The following CASP8 variants were observed in gnomAD, a reference collection of about 807,000 sequenced individuals.
CASP8 encodes caspase 8, also known as caspase-8.
A neutral mutation model predicts 46.3 loss-of-function variants in CASP8; 24 were observed. The observed-to-expected ratio is 0.52, with a 90% CI of 0.38 to 0.73. The LOEUF (loss-of-function observed/expected upper bound fraction) is 0.73. CASP8 is among the 30% of genes least tolerant of loss of function. CASP8 has a pLI of 0.00. For missense variants in CASP8, 460 were observed against 559.0 expected (o/e 0.82, Z 1.79); for synonymous variants, 188 against 200.4 (o/e 0.94, Z 0.52).
At chr2:201,261,173 C>A (rs901200090) in intron 1 of CASP8, among the ~76,000 whole-genome samples, 1 of 152,142 alleles carries the variant, frequency 6.6e-6, no homozygotes, top group Admixed American at 6.5e-5. Flanking sequence ...CGGTGGTTCA[C>A]CTGAGGTCGG....
At chr2:201,248,211 C>A (rs1946623578) in intron 2 of CASP8, among the ~76,000 whole-genome samples, 1 of 152,152 alleles carries the variant, frequency 6.6e-6, no homozygotes, top group South Asian at 2.1e-4. Context: ...ATATCCAGAA[C>A]AATATAATAG....
At chr2:201,263,493 G>C (rs534318355) in intron 1 of CASP8, among the ~76,000 whole-genome samples, 8 of 152,338 alleles carry the variant, frequency 5.3e-5, no homozygotes, top group Admixed American at 2.0e-4. Flanking sequence ...AAGGAAAAAT[G>C]TGTATGCATA....
chr2:201,278,671 G>A (rs1948805871), intron 7 of CASP8, among the ~76,000 whole-genome samples: 1 of 152,028 alleles, frequency 6.6e-6, no homozygotes, highest in South Asian at 2.1e-4. Context: ...CAAGTAGCTG[G>A]GATTACAGGC....
intron 7 of CASP8, among the ~76,000 whole-genome samples, chr2:201,284,328 G>T (rs1233705046): frequency 1.4e-5 from 1 of 73,830 alleles, no homozygotes; most frequent in Admixed American, 1.2e-4. Context: ...CAAGGCAGGC[G>T]GCTGGGAGGT....
chr2:201,245,460 C>T (rs1244303434), intron 2 of CASP8, among the ~76,000 whole-genome samples: 4 of 152,150 alleles, frequency 2.6e-5, no homozygotes, highest in African/African-American at 9.7e-5. Context: ...AGCCTGGTCT[C>T]GAACTCCTAA....
intron 7 of CASP8, among the ~76,000 whole-genome samples, chr2:201,280,873 G>A (rs1268044535): frequency 1.3e-5 from 2 of 152,120 alleles, no homozygotes; most frequent in Non-Finnish European, 2.9e-5. Context: ...GATCCATTGA[G>A]CACTTGGAGA....
intron 7 of CASP8, among the ~76,000 whole-genome samples, chr2:201,280,148 ACAAG>A (rs1212433683): frequency 1.3e-5 from 2 of 152,218 alleles, no homozygotes; most frequent in African/African-American, 4.8e-5. Context: ...AAGGGACAGA[ACAAG>A]CAAGTCTCCT....
intron 1 of CASP8, among the ~76,000 whole-genome samples, chr2:201,265,985 T>C (rs1283699837): frequency 6.6e-6 from 1 of 151,282 alleles, no homozygotes; most frequent in Non-Finnish European, 1.5e-5. Context: ...TTTTGTGTTT[T>C]TTTTTTTTTT....
chr2:201,253,234 C>T (rs2125011094), intron 2 of CASP8, among the ~76,000 whole-genome samples: 1 of 151,124 alleles, frequency 6.6e-6, no homozygotes, highest in South Asian at 2.1e-4. Flanking sequence ...AGTGATCCTC[C>T]CACTTCAGCC....
chr2:201,285,959 G>A (rs1007227711), intron 8 of CASP8, among the ~76,000 whole-genome samples: 2 of 152,164 alleles, frequency 1.3e-5, no homozygotes, highest in African/African-American at 4.8e-5. Context: ...CAAGGTTTCC[G>A]CGGCTAGCTA....
intron 1 of CASP8, among the ~76,000 whole-genome samples, chr2:201,265,411 G>A (rs556556990): frequency 1.3e-4 from 20 of 151,752 alleles, no homozygotes; most frequent in African/African-American, 4.1e-4. Context: ...AATACCGTAT[G>A]TTCTCACTTA....
chr2:201,283,087 C>T (rs1470854287), intron 7 of CASP8, among the ~76,000 whole-genome samples: 1,322 of 44,604 alleles, frequency 0.03, 3 homozygotes, highest in Non-Finnish European at 0.054. Flanking sequence ...GCTGGCCGGG[C>T]GGGGGGCTGA....
At chr2:201,243,799 A>C (rs911964592) in intron 2 of CASP8, among the ~76,000 whole-genome samples, 4 of 152,182 alleles carry the variant, frequency 2.6e-5, no homozygotes, top group Admixed American at 2.6e-4. Flanking sequence ...GGCTGTCCCG[A>C]GGCATACAGG....
Position 201,286,450 on chromosome 2 carries a change from G to A in CASP8, c.1305-9G>A, listed in dbSNP as rs1283818869. On this transcript the variant is annotated splice_polypyrimidine_tract_variant and intron_variant, in intron 8 of 8. Coordinates refer to ENST00000673742, the MANE Select transcript of CASP8 (RefSeq NM_001372051.1). The stretch of plus-strand genomic sequence containing the variant: ...ACAGACAGTCACAATATTATGTGAT[G>A]TATTTCAGAGGCGATGATATTCTCA... The A allele has an allele frequency of 2.5e-6, 4 of 1,611,564 alleles. No homozygotes were observed. Among genetic ancestry groups the A allele is most frequent in the South Asian group, 1.1e-5 (1 of 91,042 alleles).
chr2:201,256,122 C>T (rs918306473), upstream of CASP8, among the ~76,000 whole-genome samples: 1 of 152,210 alleles, frequency 6.6e-6, no homozygotes, highest in Non-Finnish European at 1.5e-5. Context: ...TTTTATCTCC[C>T]ACAGTTTTGC....
chr2:201,286,733 A>G lies in CASP8; in HGVS notation c.*139A>G. 2 of 685,052 alleles carry G rather than the reference A, an allele frequency of 2.9e-6. No homozygotes were observed. The highest frequency in any genetic ancestry group is 2.1e-5 in the Admixed American group (1 of 46,724). The allele number at this position is 685,052 out of a possible 1,614,324, so 42.4% of individuals were successfully genotyped here. A position where few individuals can be genotyped will look rare whatever the true frequency, so the allele number is the denominator to read the frequency against. ...CGGGTTCAGGCCATTCTCCTGCCTC[A>G]GCCTCCCGAGTAGCTGGGACTACAG... On this transcript the variant is annotated 3_prime_UTR_variant, in exon 9 of 9. Coordinates refer to ENST00000673742, the MANE Select transcript of CASP8 (RefSeq NM_001372051.1).
At chr2:201,267,949 C>T (rs6749413) in intron 2 of CASP8, among the ~76,000 whole-genome samples, 18,326 of 152,004 alleles carry the variant, frequency 0.12, 1,853 homozygotes, top group South Asian at 0.28. Flanking sequence ...GTTTTTGAGA[C>T]GGAGTCTCGC....
chr2:201,246,974 A>G (rs1057311185), intron 2 of CASP8, among the ~76,000 whole-genome samples: 1 of 152,028 alleles, frequency 6.6e-6, no homozygotes, highest in African/African-American at 2.4e-5. Context: ...AGGTGGGTGG[A>G]TCACGAGATC....
chr2:201,276,644 G>A (rs1576345791), intron 6 of CASP8, among the ~76,000 whole-genome samples, 183 bp from the exon 7 acceptor site: 1 of 152,320 alleles, frequency 6.6e-6, no homozygotes, highest in East Asian at 1.9e-4. Flanking sequence ...ACTTTACAAC[G>A]ATGGGGCAGA....
Sources: gnomAD v4.1 joint callset for allele counts (sites outside exome capture counted in the v4.1 genomes callset) on GRCh38, gnomAD v4.1.1 for gene constraint, MANE v1.5 for transcripts, NCBI Gene and HGNC (gene_info 2026-07-23, HGNC 2026-07-21) for gene names.